EFCAB8: variants seen among roughly 807,000 people sequenced by gnomAD.
EFCAB8 encodes EF-hand calcium binding domain 8.
Under a neutral mutation model 116.3 loss-of-function variants are expected in EFCAB8, and 100 were observed. The ratio of observed to expected loss-of-function variants is 0.86; its 90% CI spans 0.73 to 1.02. The LOEUF (loss-of-function observed/expected upper bound fraction) is 1.02. Among genes scored for constraint, EFCAB8 ranks in the 50% least tolerant of loss-of-function variants. The pLI is 0.00. For missense variants in EFCAB8, 1,320 were observed against 1,416.9 expected, an observed-to-expected ratio of 0.93 and a Z score of 1.10; for synonymous variants, 558 against 567.9, an observed-to-expected ratio of 0.98 and a Z score of 0.25.
In EFCAB8 at chr20:32,895,499, A is replaced by T. The variant is rs1274280770; in HGVS notation, c.884-955A>T. On this transcript the variant is annotated intron_variant, in intron 9 of 26. Transcript: ENST00000400522. The stretch of plus-strand genomic sequence containing the variant: ...CACCACCACTTCTGGCTAATTTTTT[A>T]TTTTTTTGATTTTTTTTTGTAGAGA... 4.2e-5 allele frequency among the ~76,000 whole-genome samples: 6 copies of T among 142,448 alleles called. No individual in the cohort carries two copies. In the South Asian group the frequency reaches 1.3e-3, roughly 32 times the overall value. The allele number at this position is 142,448 out of a possible 152,430, so 93.5% of individuals were successfully genotyped here. A position where few individuals can be genotyped will look rare whatever the true frequency, so the allele number is the denominator to read the frequency against.
intron 10 of EFCAB8, among the ~76,000 whole-genome samples, chr20:32,898,199 C>A (rs535837028): frequency 5.3e-5 from 8 of 152,202 alleles, no homozygotes; most frequent in African/African-American, 1.9e-4. Context: ...TTTCTCTCCT[C>A]GTGGGAGATG....
chr20:32,860,721 C>T (rs1436776940), intron 1 of EFCAB8, among the ~76,000 whole-genome samples: 1 of 151,772 alleles, frequency 6.6e-6, no homozygotes, highest in East Asian at 1.9e-4. Flanking sequence ...GCACCCTTTT[C>T]TGCATCTTGG....
At position 32,906,888 on chromosome 20, in the gene EFCAB8, T is replaced by C; in HGVS notation, c.1202T>C (p.Val401Ala). ...DAFIRLWNPF[V>A]SKRPVWLMKG... Reference sequence around the variant, plus strand: ...TTCATCCGCCTGTGGAACCCCTTTGTCTCAAAGAGGCCCGTGTGGCTGATG... The same window carrying C: ...TTCATCCGCCTGTGGAACCCCTTTGCCTCAAAGAGGCCCGTGTGGCTGATG... The change falls in exon 13 of 27, where the codon GTC becomes GCC. Residue 401 changes from valine (V) to alanine (A), a missense_variant. By Grantham distance (64) the Val-to-Ala change is moderately conservative (BLOSUM62 0). Coordinates refer to ENST00000400522, the MANE Select transcript of EFCAB8 (RefSeq NM_001143967.2). 6.5e-7 allele frequency: 1 copy of C among 1,550,068 alleles called. No individual in the cohort carries two copies. Among genetic ancestry groups the C allele is most frequent in the Non-Finnish European group, 8.7e-7 (1 of 1,145,546 alleles).
intron 3 of EFCAB8, among the ~76,000 whole-genome samples, chr20:32,870,070 T>A (rs935177079): frequency 1.7e-4 from 26 of 152,352 alleles, no homozygotes; most frequent in African/African-American, 5.5e-4. Context: ...TAGGGTCCTA[T>A]TTACCTGCCC....
intron 11 of EFCAB8, among the ~76,000 whole-genome samples, chr20:32,904,631 G>A (rs1986590922): frequency 1.4e-5 from 2 of 143,398 alleles, no homozygotes; most frequent in East Asian, 4.1e-4. Context: ...TTTTAAGGCG[G>A]TGGCGGGGTG....
In EFCAB8 at chr20:32,930,393, C is replaced by T; in HGVS notation, c.2413-5C>T. On this transcript the variant is annotated splice_polypyrimidine_tract_variant and splice_region_variant and intron_variant, in intron 20 of 26. Coordinates refer to ENST00000400522, the MANE Select transcript of EFCAB8 (RefSeq NM_001143967.2). Reference sequence around the variant, plus strand: ...TGCTGAGCCGGGCCCTCCTCTCTTCCTCAGATAATCTTCCTGCAGACCAGG... The same window carrying T: ...TGCTGAGCCGGGCCCTCCTCTCTTCTTCAGATAATCTTCCTGCAGACCAGG... 1 of 1,549,316 alleles carries T rather than the reference C, an allele frequency of 6.5e-7. No homozygotes were observed. Among genetic ancestry groups the T allele is most frequent in the Non-Finnish European group, 8.7e-7 (1 of 1,146,742 alleles).
At chr20:32,923,979 A>T (rs903873480) in intron 20 of EFCAB8, among the ~76,000 whole-genome samples, 1 of 152,222 alleles carries the variant, frequency 6.6e-6, no homozygotes, top group Middle Eastern at 3.2e-3. Flanking sequence ...GCTATCTTGC[A>T]TTATGTTTCA....
In EFCAB8 at chr20:32,958,526, A is replaced by G; in HGVS notation, c.3065A>G (p.Gln1022Arg). The change falls in exon 24 of 27, where the codon CAG becomes CGG. Residue 1022 changes from glutamine (Q) to arginine (R), a missense_variant. Transcript: ENST00000400522. The stretch of plus-strand genomic sequence containing the variant: ...GATGGTGACTCCACTGGCACCACCC[A>G]GAAGGTCTTACATCTGGAGCTGCAG... ...EEDGDSTGTT[Q>R]KVLHLELQEQ... 1 of 416,614 alleles carries G rather than the reference A, an allele frequency of 2.4e-6. No individual in the cohort carries two copies. The highest frequency in any genetic ancestry group is 3.6e-5 in the East Asian group (1 of 28,074). 25.8% of individuals were successfully genotyped at this position (416,614 alleles called of 1,614,324 possible). A position where few individuals can be genotyped will look rare whatever the true frequency, so the allele number is the denominator to read the frequency against.
Position 32,909,837 on chromosome 20 carries a change from G to C in EFCAB8, c.1463G>C (p.Gly488Ala). Residue 488 changes from glycine to alanine, a missense_variant, in exon 15 of 27, where the codon GGG becomes GCG. Transcript: ENST00000400522. ...CSTYSIGILKGYLEAQGLIKA... is the reference protein window; with the variant it reads ...CSTYSIGILKAYLEAQGLIKA... The stretch of plus-strand genomic sequence containing the variant: ...CACCTACAGATCGGGATCCTAAAAG[G>C]GTACTTAGAGGCCCAGGGGCTTATC... The C allele has an allele frequency of 1.6e-6, 2 of 1,249,648 alleles. No homozygotes were observed. Among genetic ancestry groups the C allele is most frequent in the Non-Finnish European group, 2.0e-6 (2 of 988,050 alleles). 77.4% of individuals were successfully genotyped at this position (1,249,648 alleles called of 1,614,324 possible). A position where few individuals can be genotyped will look rare whatever the true frequency, so the allele number is the denominator to read the frequency against.
chr20:32,919,175 A>G (rs1280853436), intron 19 of EFCAB8, among the ~76,000 whole-genome samples: 1 of 152,206 alleles, frequency 6.6e-6, no homozygotes, highest in African/African-American at 2.4e-5. Context: ...TGAGTACAGT[A>G]TTCCAACAAT....
chr20:32,867,756 G>A lies in EFCAB8; in HGVS notation c.208+9G>A, dbSNP rs536463563. 204 of 1,549,126 alleles carry A rather than the reference G, an allele frequency of 1.3e-4. No individual in the cohort carries two copies. The highest frequency in any genetic ancestry group is 7.2e-4 in the Middle Eastern group (4 of 5,528). The stretch of plus-strand genomic sequence containing the variant: ...CATCAACTCGACTGGAGGTAAGGCC[G>A]CTCTGTAGGCTCGGTTTTTGTGTGA... On this transcript the variant is annotated intron_variant, in intron 3 of 26. Transcript: ENST00000400522.
chr20:32,935,768 G>C (rs1457939371), intron 22 of EFCAB8, among the ~76,000 whole-genome samples: 1 of 152,156 alleles, frequency 6.6e-6, no homozygotes, highest in African/African-American at 2.4e-5. Context: ...GCCTCCCAAA[G>C]TGCTGGGATT....
At chr20:32,866,728 C>A in intron 2 of EFCAB8, among the ~76,000 whole-genome samples, 1 of 142,762 alleles carries the variant, frequency 7.0e-6, no homozygotes, top group Non-Finnish European at 1.6e-5. Context: ...GGGTTTTCTT[C>A]CTTCCTTCCT....
intron 10 of EFCAB8, 61 bp from the exon 11 acceptor site, chr20:32,898,432 G>A (rs1165888363): frequency 2.9e-6 from 2 of 695,694 alleles, no homozygotes; most frequent in Admixed American, 2.0e-5. Flanking sequence ...CATGTTCTGG[G>A]GGCTGGGCCT....
At chr20:32,914,045 C>T (rs184079603) in intron 17 of EFCAB8, among the ~76,000 whole-genome samples, 1 of 152,334 alleles carries the variant, frequency 6.6e-6, no homozygotes, top group East Asian at 1.9e-4. Flanking sequence ...CCTGCATGAG[C>T]CCCCTGGCCC....
chr20:32,901,452 A>G (rs2146227025), intron 11 of EFCAB8, among the ~76,000 whole-genome samples: 1 of 151,510 alleles, frequency 6.6e-6, no homozygotes, highest in Non-Finnish European at 1.5e-5. Flanking sequence ...CTTGGTGTAT[A>G]AGATATGTGT....
intron 17 of EFCAB8, among the ~76,000 whole-genome samples, chr20:32,914,597 A>G (rs1349685151): frequency 2.0e-5 from 3 of 152,216 alleles, no homozygotes; most frequent in African/African-American, 7.2e-5. Flanking sequence ...AATCATAGTT[A>G]AAGGTGAAGG....
chr20:32,863,872 G>A (rs879169794), intron 2 of EFCAB8, 38 bp downstream of exon 2: 4 of 1,548,328 alleles, frequency 2.6e-6, no homozygotes, highest in South Asian at 1.2e-5. Flanking sequence ...AAAGGGTGGG[G>A]CATTCCAGAG....
rs564596960 is a variant in EFCAB8, at chr20:32,901,627, T to C, written c.1088+3004T>C. Among the ~76,000 whole-genome samples, 204 of 152,390 alleles carry C rather than the reference T, an allele frequency of 1.3e-3. 1 individual carries two copies. The highest frequency in any genetic ancestry group is 1.1e-3 in the Non-Finnish European group (73 of 68,034). On this transcript the variant is annotated intron_variant, in intron 11 of 26. Transcript: ENST00000400522. ...TGGCCTTCAGGCTCAGGCGTGCTCC[T>C]GCGCCAGGGCCTTTGCACAGCTCCG...
Sources: gnomAD v4.1 joint callset for allele counts (sites outside exome capture counted in the v4.1 genomes callset) on GRCh38, gnomAD v4.1.1 for gene constraint, MANE v1.5 for transcripts, NCBI Gene and HGNC (gene_info 2026-07-23, HGNC 2026-07-21) for gene names.